Variants in DAB1 observed in about 807,000 individuals in gnomAD.
DAB1 encodes disabled homolog 1.
A neutral mutation model predicts 64.6 loss-of-function variants in DAB1; 15 were observed. That is an observed-to-expected ratio of 0.23 (90% CI 0.16 to 0.36). DAB1 has a LOEUF of 0.36. Ranked by LOEUF, DAB1 falls within the 10% of genes least tolerant of loss-of-function variation. The pLI, the probability that DAB1 is intolerant of heterozygous loss-of-function variation, is 1.00. For missense variants in DAB1, 596 were observed against 706.7 expected (o/e 0.84, Z 1.78); for synonymous variants, 235 against 251.9 (o/e 0.93, Z 0.64).
intron 3 of DAB1, among the ~76,000 whole-genome samples, chr1:58,439,970 T>A (rs908814726): frequency 6.6e-6 from 1 of 152,208 alleles, no homozygotes; most frequent in Admixed American, 6.5e-5. Context: ...GTTACTGTGA[T>A]GAGATTCCTG....
rs537546486 is a variant in DAB1 at position 57,086,338 on chromosome 1, T to C, written c.307-13924A>G. Reference sequence around the variant, plus strand: ...CACAGTGTGCCAAGGGATGCTCAGCTGAAGCATCGGGGAGGTTGGTTCATA... The same window carrying C: ...CACAGTGTGCCAAGGGATGCTCAGCCGAAGCATCGGGGAGGTTGGTTCATA... On this transcript the variant is annotated intron_variant, in intron 4 of 14. Coordinates refer to ENST00000371236, the MANE Select transcript of DAB1 (RefSeq NM_001365792.1). Among the ~76,000 whole-genome samples, 120 of 152,244 alleles carry C rather than the reference T, an allele frequency of 7.9e-4. 1 individual carries two copies. The highest frequency in any genetic ancestry group is 2.8e-3 in the African/African-American group (115 of 41,538).
chr1:57,063,468 G>A (rs1416417204), intron 8 of DAB1, among the ~76,000 whole-genome samples: 1 of 152,166 alleles, frequency 6.6e-6, no homozygotes, highest in Admixed American at 6.5e-5. Flanking sequence ...TTTCATTGAA[G>A]AAAAAGGCCC....
At chr1:58,470,950 C>G (rs918488646) in intron 3 of DAB1, among the ~76,000 whole-genome samples, 6 of 152,184 alleles carry the variant, frequency 3.9e-5, no homozygotes, top group Non-Finnish European at 7.3e-5. Context: ...CTTATTAGGC[C>G]TTCCCACTTA....
At chr1:57,993,246 ACC>A (rs1646374700) in intron 5 of DAB1, among the ~76,000 whole-genome samples, 1 of 152,116 alleles carries the variant, frequency 6.6e-6, no homozygotes, top group Non-Finnish European at 1.5e-5. Flanking sequence ...GAAATCTCTG[ACC>A]ACTCTCTCAG....
chr1:57,623,051 A>G (rs960488757), intron 7 of DAB1, among the ~76,000 whole-genome samples: 1 of 152,196 alleles, frequency 6.6e-6, no homozygotes, highest in African/African-American at 2.4e-5. Context: ...AATTTATTAA[A>G]TGATCATTGC....
chr1:57,885,172 T>G (rs1264095703), upstream of DAB1, among the ~76,000 whole-genome samples: 1 of 152,264 alleles, frequency 6.6e-6, no homozygotes. Flanking sequence ...ATGCTAATAT[T>G]AAATGAATTA....
chr1:57,640,251 T>G (rs140083805), intron 7 of DAB1, among the ~76,000 whole-genome samples: 235 of 152,332 alleles, frequency 1.5e-3, no homozygotes, highest in African/African-American at 5.4e-3. Flanking sequence ...TTTCTAAAAT[T>G]TCCTGCTTCC....
intron 2 of DAB1, among the ~76,000 whole-genome samples, chr1:57,159,508 T>G (rs959950765): frequency 6.6e-6 from 1 of 152,154 alleles, no homozygotes; most frequent in African/African-American, 2.4e-5. Context: ...AGGGCTAACA[T>G]TTTCTTAAAT....
intron 2 of DAB1, among the ~76,000 whole-genome samples, chr1:57,250,562 C>T (rs1028513398): frequency 6.6e-6 from 1 of 152,092 alleles, no homozygotes; most frequent in Non-Finnish European, 1.5e-5. Flanking sequence ...AAACTGCCTT[C>T]CAATAAAATG....
chr1:57,887,187 TC>T (rs1644236260), upstream of DAB1, among the ~76,000 whole-genome samples: 1 of 152,198 alleles, frequency 6.6e-6, no homozygotes, highest in South Asian at 2.1e-4. Context: ...AATAGCTTCT[TC>T]CATTGCACTG....
At chr1:58,056,005 T>C (rs1034707725) in intron 5 of DAB1, 9 of 708,402 alleles carry the variant, frequency 1.3e-5, no homozygotes, top group Non-Finnish European at 2.0e-5. Flanking sequence ...CACACAGTGC[T>C]AAAATTCCAG....
intron 7 of DAB1, among the ~76,000 whole-genome samples, chr1:57,451,689 C>T (rs890188042): frequency 1.3e-5 from 2 of 152,120 alleles, no homozygotes; most frequent in Non-Finnish European, 2.9e-5. Context: ...AATTCAAAGT[C>T]GCTTATACAT....
At chr1:57,110,782 C>G (rs550228174) in intron 4 of DAB1, among the ~76,000 whole-genome samples, 7 of 151,980 alleles carry the variant, frequency 4.6e-5, no homozygotes, top group Non-Finnish European at 1.0e-4. Context: ...TCATTTTCAC[C>G]TTAGAATAAC....
At chr1:58,171,022 A>T (rs2100766237) in intron 4 of DAB1, among the ~76,000 whole-genome samples, 1 of 151,582 alleles carries the variant, frequency 6.6e-6, no homozygotes, top group South Asian at 2.1e-4. Flanking sequence ...GACAGCCTCT[A>T]ACTTTCTCCC....
chr1:57,523,480 G>A (rs150549592), intron 7 of DAB1, among the ~76,000 whole-genome samples: 12 of 152,264 alleles, frequency 7.9e-5, no homozygotes, highest in Non-Finnish European at 1.8e-4. Context: ...CTGACATTGA[G>A]GAAGGTTTCC....
chr1:57,032,406 G>A (rs559177727), intron 9 of DAB1, among the ~76,000 whole-genome samples: 1 of 152,246 alleles, frequency 6.6e-6, no homozygotes, highest in South Asian at 2.1e-4. Context: ...AGCACAGGGG[G>A]TTATGAAAGA....
Position 56,997,016 on chromosome 1 carries a change from G to A in DAB1, c.*1128C>T, listed in dbSNP as rs1174362265. The A allele has an allele frequency of 6.6e-6, 1 of 151,870 alleles. No individual in the cohort carries two copies. Among genetic ancestry groups the A allele is most frequent in the Non-Finnish European group, 1.5e-5 (1 of 67,988 alleles). The allele number at this position is 151,870 out of a possible 1,614,324, so 9.4% of individuals were successfully genotyped here. On this transcript the variant is annotated 3_prime_UTR_variant, in exon 15 of 15. Transcript: ENST00000371236. Reference sequence around the variant, plus strand: ...TTGAATTTTCTGATGTACAAAAAGAGATAGAGATGAACCATTTGGACCACA... The same window carrying A: ...TTGAATTTTCTGATGTACAAAAAGAAATAGAGATGAACCATTTGGACCACA...
intron 5 of DAB1, among the ~76,000 whole-genome samples, chr1:58,094,694 T>C (rs1181446727): frequency 1.3e-5 from 2 of 152,218 alleles, no homozygotes; most frequent in Non-Finnish European, 2.9e-5. Context: ...CCTTTACCCA[T>C]CTCTCTATCA....
intron 5 of DAB1, among the ~76,000 whole-genome samples, chr1:57,901,819 C>T (rs537520167): frequency 2.6e-5 from 4 of 152,236 alleles, no homozygotes; most frequent in African/African-American, 9.6e-5. Context: ...CTCCACCATT[C>T]CTTCTCACAG....
Sources: gnomAD v4.1 joint callset for allele counts (sites outside exome capture counted in the v4.1 genomes callset) on GRCh38, gnomAD v4.1.1 for gene constraint, MANE v1.5 for transcripts, NCBI Gene and HGNC (gene_info 2026-07-23, HGNC 2026-07-21) for gene names.